Variants in SCARA5 observed in about 807,000 individuals in gnomAD.
SCARA5 encodes scavenger receptor class A member 5.
In SCARA5, 45 loss-of-function variants were observed where a neutral mutation model predicts 46.3. That is an observed-to-expected ratio of 0.97 (90% confidence interval 0.76 to 1.24). The LOEUF is 1.24. Ranked by LOEUF, SCARA5 falls within the 50% of genes most tolerant of loss-of-function variation. The pLI is 0.00. For missense variants in SCARA5, 680 were observed against 689.0 expected, an observed-to-expected ratio of 0.99 and a Z score of 0.15; for synonymous variants, 333 against 306.5, an observed-to-expected ratio of 1.09 and a Z score of -0.90.
rs763759810 is a variant in SCARA5 at position 27,921,948 on chromosome 8, G to A, written c.539C>T (p.Thr180Met). Reference sequence around the variant, plus strand: ...CAGCTGGTAGAGCTCCAGCTGCGCCGTGTCGCTCTGCTGGCCCGTGCGGTC... The same window carrying A: ...CAGCTGGTAGAGCTCCAGCTGCGCCATGTCGCTCTGCTGGCCCGTGCGGTC... ...LRDRTGQQSD[T>M]AQLELYQLQV... The change falls in exon 4 of 9, where the codon ACG becomes ATG. Residue 180 changes from threonine (T) to methionine (M), a missense_variant. By Grantham distance (81) the Thr-to-Met change is moderately conservative. Transcript: ENST00000354914. The A allele has an allele frequency of 2.6e-6, 4 of 1,543,278 alleles. No homozygotes were observed. Among genetic ancestry groups the A allele is most frequent in the East Asian group, 2.4e-5 (1 of 41,596 alleles).
At chr8:27,953,539 G>A (rs1448665242) in intron 3 of SCARA5, among the ~76,000 whole-genome samples, 1 of 152,232 alleles carries the variant, frequency 6.6e-6, no homozygotes, top group African/African-American at 2.4e-5. Flanking sequence ...GGGAGGCTGC[G>A]ATGAGAGGGG....
intron 3 of SCARA5, among the ~76,000 whole-genome samples, chr8:27,934,184 G>C (rs765188360): frequency 2.6e-5 from 4 of 152,196 alleles, no homozygotes; most frequent in Non-Finnish European, 4.4e-5. Context: ...GAAGGCAGCT[G>C]ATGGGCAGGC....
At chr8:27,964,064 C>T (rs1284389852) in intron 3 of SCARA5, among the ~76,000 whole-genome samples, 1 of 152,204 alleles carries the variant, frequency 6.6e-6, no homozygotes, top group Non-Finnish European at 1.5e-5. Context: ...TGGATCTCCC[C>T]TGACCCCTGA....
chr8:27,928,059 T>C (rs2129833573), intron 3 of SCARA5, among the ~76,000 whole-genome samples: 1 of 152,334 alleles, frequency 6.6e-6, no homozygotes, highest in South Asian at 2.1e-4. Flanking sequence ...TCAACTTGCG[T>C]AGGGCAGCCT....
intron 8 of SCARA5, among the ~76,000 whole-genome samples, chr8:27,878,343 C>T (rs1806757263): frequency 6.6e-6 from 1 of 152,204 alleles, no homozygotes; most frequent in Admixed American, 6.5e-5. Context: ...GACATGCCAT[C>T]AAGGGAAAGC....
chr8:27,970,201 C>T (rs916793413), intron 2 of SCARA5, among the ~76,000 whole-genome samples: 3 of 152,040 alleles, frequency 2.0e-5, no homozygotes, highest in Non-Finnish European at 4.4e-5. Flanking sequence ...TGGCTGACAG[C>T]CATGTAGGTG....
intron 3 of SCARA5, among the ~76,000 whole-genome samples, chr8:27,945,489 A>T (rs563227944): frequency 4.6e-5 from 7 of 152,346 alleles, no homozygotes; most frequent in African/African-American, 1.7e-4. Flanking sequence ...GCATTCCTTT[A>T]AATTGAGTGC....
chr8:27,871,949 T>C lies in SCARA5; in HGVS notation c.1473A>G (p.Thr491=). ...NCGHAEDASV[T]CNRH ...CTGCCCACTTTCAGTGTCTGTTGCA[T>C]GTCACGCTGGCATCTTCGGCATGTC... Residue 491 remains threonine, a synonymous_variant, in exon 9 of 9, where the codon ACA becomes ACG. Transcript: ENST00000354914. 6.2e-7 allele frequency: 1 copy of C among 1,614,212 alleles called. No homozygotes were observed. Among genetic ancestry groups the C allele is most frequent in the Non-Finnish European group, 8.5e-7 (1 of 1,180,044 alleles).
intron 3 of SCARA5, among the ~76,000 whole-genome samples, chr8:27,951,146 T>C (rs1374544799): frequency 1.3e-5 from 2 of 152,210 alleles, no homozygotes; most frequent in African/African-American, 4.8e-5. Flanking sequence ...GGGTTTGAAA[T>C]GCAAGTCCAT....
At chr8:27,904,726 A>G in intron 7 of SCARA5, 52 bp downstream of exon 7, 1 of 1,501,778 alleles carries the variant, frequency 6.7e-7, no homozygotes, top group Non-Finnish European at 9.3e-7. Flanking sequence ...CTTGGGGGAC[A>G]GCTAGCCCTG....
At chr8:27,903,249 G>A (rs1482264043) in intron 7 of SCARA5, 1 of 152,214 alleles carries the variant, frequency 6.6e-6, no homozygotes, top group Non-Finnish European at 1.5e-5. Context: ...AAGGAAGCAT[G>A]AAAATAGCAG....
At position 27,935,659 on chromosome 8, in the gene SCARA5, C is replaced by A. The variant is rs149643712; in HGVS notation, c.242-13414G>T. ...GAGAGGGCTCAGGATCTCAGCACTGCCCAGCCAGGCCAGAGGACCCGGGAG... is the reference window on the plus strand; with the variant it reads ...GAGAGGGCTCAGGATCTCAGCACTGACCAGCCAGGCCAGAGGACCCGGGAG... On this transcript the variant is annotated intron_variant, in intron 3 of 8. Transcript: ENST00000354914. 3.2e-3 allele frequency among the ~76,000 whole-genome samples: 481 copies of A among 152,262 alleles called. 4 individuals are homozygous for A. Among genetic ancestry groups the A allele is most frequent in the African/African-American group, 9.7e-3 (405 of 41,572 alleles).
At chr8:27,886,690 G>A (rs899932645) in intron 7 of SCARA5, among the ~76,000 whole-genome samples, 4 of 152,204 alleles carry the variant, frequency 2.6e-5, no homozygotes, top group Admixed American at 6.5e-5. Context: ...TGAGAAGGAC[G>A]TCATCATTTA....
intron 1 of SCARA5, among the ~76,000 whole-genome samples, chr8:27,991,047 G>T (rs1173499836): frequency 1.3e-5 from 2 of 152,236 alleles, no homozygotes. Flanking sequence ...GTGCCCTGGG[G>T]CCATCTGCGC....
intron 7 of SCARA5, among the ~76,000 whole-genome samples, chr8:27,895,824 C>G (rs1431285495): frequency 1.3e-5 from 2 of 152,250 alleles, no homozygotes; most frequent in East Asian, 3.8e-4. Flanking sequence ...GACTTCCCCT[C>G]TTTGTCTCCC....
intron 7 of SCARA5, among the ~76,000 whole-genome samples, chr8:27,885,792 G>T (rs191851949): frequency 2.0e-5 from 3 of 152,312 alleles, no homozygotes; most frequent in Admixed American, 2.0e-4. Context: ...ATGGGGACAT[G>T]GCTGTCAGAT....
chr8:27,975,444 T>C (rs982054588), intron 2 of SCARA5, among the ~76,000 whole-genome samples: 2 of 152,160 alleles, frequency 1.3e-5, no homozygotes, highest in African/African-American at 4.8e-5. Context: ...CCCCGATTTA[T>C]AGCCAGTCAA....
chr8:27,986,868 A>G (rs1480358858), intron 2 of SCARA5, among the ~76,000 whole-genome samples: 3 of 152,236 alleles, frequency 2.0e-5, no homozygotes, highest in Non-Finnish European at 4.4e-5. Context: ...CATGTGCTGC[A>G]TGCAGCAAGA....
At chr8:27,880,301 T>C (rs1806790782) in intron 7 of SCARA5, among the ~76,000 whole-genome samples, 1 of 151,812 alleles carries the variant, frequency 6.6e-6, no homozygotes, top group Middle Eastern at 3.4e-3. Flanking sequence ...AAAAAGAATT[T>C]ATGACTAAGT....
Sources: gnomAD v4.1 joint callset for allele counts (sites outside exome capture counted in the v4.1 genomes callset) on GRCh38, gnomAD v4.1.1 for gene constraint, MANE v1.5 for transcripts, NCBI Gene and HGNC (gene_info 2026-07-23, HGNC 2026-07-21) for gene names.